Variants in HLA-DQA1 observed in about 807,000 individuals in gnomAD.
The protein encoded by HLA-DQA1 is HLA class II histocompatibility antigen, DQ alpha 1 chain.
In HLA-DQA1, 10 loss-of-function variants were observed where a neutral mutation model predicts 20.7. That is an observed-to-expected ratio of 0.48 (90% CI 0.30 to 0.82). HLA-DQA1 has a LOEUF of 0.82. Ranked by LOEUF, HLA-DQA1 falls within the 40% of genes least tolerant of loss-of-function variation. The pLI is 0.07. For missense variants in HLA-DQA1, 127 were observed against 293.0 expected, an observed-to-expected ratio of 0.43 and a Z score of 4.14; for synonymous variants, 39 against 109.2, an observed-to-expected ratio of 0.36 and a Z score of 4.01.
rs1231206502 is a variant in HLA-DQA1 at position 32,640,282 on chromosome 6, T to A, written c.83-1028T>A. 2.0e-5 allele frequency among the ~76,000 whole-genome samples: 2 copies of A among 98,842 alleles called. 1 individual carries two copies. Among genetic ancestry groups the A allele is most frequent in the Non-Finnish European group, 4.5e-5 (2 of 44,102 alleles). The allele number at this position is 98,842 out of a possible 152,430, so 64.8% of individuals were successfully genotyped here. On this transcript the variant is annotated intron_variant, in intron 1 of 4. Transcript: ENST00000343139. Reference sequence around the variant, plus strand: ...TTCCACTATTCAGTTTGTTCCTTAATAGTAGACCATGCCTGATTGGTGTTT... The same window carrying A: ...TTCCACTATTCAGTTTGTTCCTTAAAAGTAGACCATGCCTGATTGGTGTTT...
intron 1 of HLA-DQA1, among the ~76,000 whole-genome samples, chr6:32,638,143 G>A (rs9272482): frequency 0.38 from 36,388 of 96,482 alleles, 9,326 homozygotes; most frequent in East Asian, 0.48. Context: ...CACCTCACAA[G>A]TAATCAAATA....
At chr6:32,652,712 G>T in the HLA-DQA1 span, among the ~76,000 whole-genome samples, 39,971 of 133,270 alleles carry the variant, frequency 0.3, 6,274 homozygotes, top group Middle Eastern at 0.48. Flanking sequence ...GCATAAAGTG[G>T]AGGGGAAAGG....
At chr6:32,649,851 T>C (rs28826696), downstream of HLA-DQA1, among the ~76,000 whole-genome samples, 24,315 of 93,666 alleles carry the variant, frequency 0.26, 9,474 homozygotes, top group South Asian at 0.63. Flanking sequence ...TCTAATTAAA[T>C]GAAAGAGCTT....
Position 32,642,922 on chromosome 6 carries a change from C to A in HLA-DQA1, c.*21-30C>A. The A allele has an allele frequency of 5.0e-6, 3 of 601,718 alleles. 1 individual carries two copies. Among genetic ancestry groups the A allele is most frequent in the South Asian group, 3.4e-5 (2 of 58,802 alleles). The allele number at this position is 601,718 out of a possible 1,614,324, so 37.3% of individuals were successfully genotyped here. On this transcript the variant is annotated intron_variant, in intron 4 of 4. Coordinates refer to ENST00000343139, the MANE Select transcript of HLA-DQA1 (RefSeq NM_002122.5). ...ATGATGACACAGGAGCCCCCTCGGA[C>A]CCATTGATCTCATGTCTGCCCTGTT...
At chr6:32,638,105 CACTT>C (rs1300017313) in intron 1 of HLA-DQA1, among the ~76,000 whole-genome samples, 2 of 132,054 alleles carry the variant, frequency 1.5e-5, no homozygotes. Context: ...ACATGGTCCT[CACTT>C]ACTCTCAGCT....
At chr6:32,647,184 T>TCTTCTCTCTAA (rs1561962489), downstream of HLA-DQA1, 6 of 102,568 alleles carry the variant, frequency 5.8e-5, no homozygotes, top group Admixed American at 2.3e-4. Flanking sequence ...AACATGGTAC[T>TCTTCTCTCTAA]CAGCCAGGCG....
Position 32,642,895 on chromosome 6 carries a change from T to A in HLA-DQA1, c.*21-57T>A, listed in dbSNP as rs9272834. On this transcript the variant is annotated intron_variant, in intron 4 of 4. Transcript: ENST00000343139. ...GTTGTAGGGGAATTGGGAAGTGGCA[T>A]GATGATGACACAGGAGCCCCCTCGG... The A allele has an allele frequency of 5.1e-6, 4 of 779,006 alleles. 1 individual carries two copies. The highest frequency in any genetic ancestry group is 8.2e-6 in the Non-Finnish European group (4 of 485,588). The allele number at this position is 779,006 out of a possible 1,614,324, so 48.3% of individuals were successfully genotyped here. A position where few individuals can be genotyped will look rare whatever the true frequency, so the allele number is the denominator to read the frequency against.
chr6:32,642,858 ATG>A (rs9279923), intron 4 of HLA-DQA1, 74 bp downstream of exon 4: 10,250 of 904,274 alleles, frequency 0.011, 2,265 homozygotes, highest in Admixed American at 0.046. Flanking sequence ...GTGGACATGA[ATG>A]TGGTTGAAAG....
chr6:32,652,195 A>T, the HLA-DQA1 span, among the ~76,000 whole-genome samples: 41,762 of 85,260 alleles, frequency 0.49, 17,504 homozygotes, highest in South Asian at 0.75. Flanking sequence ...GGCAGGAGAA[A>T]GGCTGAACCC....
chr6:32,648,281 G>GTAAAAGTAATAATAGAATGCTATA (rs1782065847), downstream of HLA-DQA1, among the ~76,000 whole-genome samples: 1 of 78,022 alleles, frequency 1.3e-5, no homozygotes, highest in Non-Finnish European at 2.8e-5. Flanking sequence ...AGAATTTTAT[G>GTAAAAGTAATAATAGAATGCTATA]AGGCCAACAT....
At chr6:32,648,325 A>C (rs1466738920), downstream of HLA-DQA1, among the ~76,000 whole-genome samples, 2 of 34,246 alleles carry the variant, frequency 5.8e-5, 1 homozygote, top group Non-Finnish European at 1.3e-4. Context: ...GAGACACAAC[A>C]AAAAAAAGAG....
intron 4 of HLA-DQA1, 41 bp from the exon 5 acceptor site, chr6:32,642,911 G>C (rs35444025): frequency 0.14 from 91,481 of 658,532 alleles, 24,948 homozygotes; most frequent in South Asian, 0.31. Flanking sequence ...TGACACAGGA[G>C]CCCCCTCGGA....
chr6:32,638,888 C>T (rs9272533), intron 1 of HLA-DQA1: 98,442 of 276,922 alleles, frequency 0.36, 30,297 homozygotes, highest in Admixed American at 0.5. Flanking sequence ...CTTCATGCAT[C>T]CCTTTCTCCC....
Position 32,641,973 on chromosome 6 carries a change from G to A in HLA-DQA1, c.333G>A (p.Glu111=). 6.5e-7 allele frequency: 1 copy of A among 1,544,912 alleles called. No homozygotes were observed. The highest frequency in any genetic ancestry group is 1.5e-5 in the African/African-American group (1 of 64,890). The change falls in exon 3 of 5, where the codon GAG becomes GAA. Residue 111 remains glutamate, a splice_region_variant and synonymous_variant. Coordinates refer to ENST00000343139, the MANE Select transcript of HLA-DQA1 (RefSeq NM_002122.5). ...KRYNSTAATN[E]VPEVTVFSKS... is the part of the protein sequence containing the mutation. Reference sequence around the variant, plus strand: ...ACCAGTGCTGTTTCCTCACCACAGAGGTTCCTGAGGTCACAGTGTTTTCCA... The same window carrying A: ...ACCAGTGCTGTTTCCTCACCACAGAAGTTCCTGAGGTCACAGTGTTTTCCA...
At chr6:32,652,832 CA>C in the HLA-DQA1 span, among the ~76,000 whole-genome samples, 10,681 of 150,788 alleles carry the variant, frequency 0.071, 599 homozygotes, top group South Asian at 0.2. Flanking sequence ...CATTTGTAAC[CA>C]AAAGAATTAT....
chr6:32,652,994 C>A, the HLA-DQA1 span, among the ~76,000 whole-genome samples: 1 of 149,072 alleles, frequency 6.7e-6, no homozygotes, highest in South Asian at 2.2e-4. Context: ...GACATTTATA[C>A]CCCCACACTG....
downstream of HLA-DQA1, chr6:32,644,892 T>C (rs992661728): frequency 6.4e-5 from 9 of 139,824 alleles, 1 homozygote; most frequent in African/African-American, 2.3e-4. Flanking sequence ...CAGATCTTTA[T>C]GCCTGTTTAC....
chr6:32,639,102 C>A, intron 1 of HLA-DQA1: 1 of 231,308 alleles, frequency 4.3e-6, no homozygotes. Context: ...CTCCAGAGCG[C>A]TTGGCGTCTT....
intron 1 of HLA-DQA1, among the ~76,000 whole-genome samples, chr6:32,638,699 G>GAGGA (rs34024030): frequency 0.19 from 14,283 of 76,842 alleles, 4,192 homozygotes; most frequent in Non-Finnish European, 0.22. Flanking sequence ...GAAAGAAAGC[G>GAGGA]AGGAAGGAAG....
Sources: allele counts gnomAD v4.1 joint callset (sites outside exome capture counted in the v4.1 genomes callset), GRCh38; gene constraint gnomAD v4.1.1; transcripts MANE v1.5; gene names NCBI Gene and HGNC (gene_info 2026-07-23, HGNC 2026-07-21).